PZP: variants seen among roughly 807,000 people sequenced by gnomAD.
PZP encodes the protein pregnancy zone protein.
Under a neutral mutation model 179.8 loss-of-function variants are expected in PZP, and 150 were observed. That is an observed-to-expected ratio of 0.83 (90% CI 0.73 to 0.96). The LOEUF is 0.96. Ranked by LOEUF, PZP falls within the 40% of genes least tolerant of loss-of-function variation. The pLI, the probability that PZP is intolerant of heterozygous loss-of-function variation, is 0.00. For synonymous variants in PZP, 624 were observed against 652.3 expected (o/e 0.96, Z 0.66); for missense variants, 1,689 against 1,764.0 (o/e 0.96, Z 0.76).
In PZP at chr12:9,162,635, T is replaced by G. The variant is rs1941287802; in HGVS notation, c.2750A>C (p.Glu917Ala). The change falls in exon 22 of 36, where the codon GAG becomes GCG. Residue 917 changes from glutamate (E) to alanine (A), a missense_variant. Glu to Ala is a moderately radical substitution (Grantham distance 107). This residue lies in a region of PZP where 746 missense variants were observed against 749.2 expected (regional missense o/e 1.00). Coordinates refer to ENST00000261336, the MANE Select transcript of PZP (RefSeq NM_002864.3). Reference protein sequence around the residue: ...KTLLVEAEGIEQEKTFSSMTC... With the variant: ...KTLLVEAEGIAQEKTFSSMTC... ...CATAGAACTGAAAGTCTTTTCTTGC[T>G]CAATACCTTCAGCCTTGGATGAAAG... The G allele has an allele frequency of 1.9e-6, 3 of 1,593,576 alleles. No homozygotes were observed. In the South Asian group the frequency reaches 3.3e-5, roughly 18 times the overall value.
At chr12:9,164,103 T>C (rs760584067) in intron 20 of PZP, 30 bp downstream of exon 20, 2 of 1,592,692 alleles carry the variant, frequency 1.3e-6, no homozygotes, top group Admixed American at 1.7e-5. Flanking sequence ...CCTTGTTGAT[T>C]GATAGGCCCT....
Position 9,200,382 on chromosome 12 carries a change from T to C in PZP, c.737A>G (p.Asn246Ser), listed in dbSNP as rs142990157. The C allele has an allele frequency of 6.2e-5, 99 of 1,608,422 alleles. No homozygotes were observed. The African/African-American group carries it at 1.1e-3, about 18-fold the overall frequency. ...AACTCACTCTCCACAGACTGTTATG[T>C]TCACTTTTTCATCCATGATACTGAT... ...KIISIMDEKVNITVCGEYTYG... is the reference protein window; with the variant it reads ...KIISIMDEKVSITVCGEYTYG... Residue 246 changes from asparagine (N) to serine (S), a missense_variant, in exon 7 of 36, where the codon AAC (asparagine) becomes AGC (serine). Physicochemically the swap from Asn to Ser is conservative, Grantham distance 46 (BLOSUM62 1). Around this residue, in one of 3 missense-constraint regions of PZP, gnomAD observed 742 missense variants for 730.5 expected, o/e 1.02. Transcript: ENST00000261336.
intron 13 of PZP, among the ~76,000 whole-genome samples, chr12:9,188,776 A>G (rs1173332849): frequency 6.6e-6 from 1 of 152,230 alleles, no homozygotes; most frequent in Non-Finnish European, 1.5e-5. Context: ...TCCCATTCAC[A>G]ATTGTCACAG....
At chr12:9,206,796 G>C (rs1332865575) in intron 1 of PZP, among the ~76,000 whole-genome samples, 1 of 152,104 alleles carries the variant, frequency 6.6e-6, no homozygotes, top group Non-Finnish European at 1.5e-5. Context: ...CAGACACAAC[G>C]TAAAAGGATG....
At chr12:9,201,450 G>A in intron 4 of PZP, 103 bp from the exon 5 acceptor site, 1 of 873,480 alleles carries the variant, frequency 1.1e-6, no homozygotes, top group Non-Finnish European at 1.8e-6. Context: ...ATTATCTGTA[G>A]CTAAATTCAA....
At chr12:9,152,485 C>A (rs1189369200) in intron 31 of PZP, among the ~76,000 whole-genome samples, 175 bp from the exon 32 acceptor site, 2 of 152,194 alleles carry the variant, frequency 1.3e-5, no homozygotes, top group Admixed American at 1.3e-4. Context: ...GCATATACAT[C>A]AGATCTACCA....
chr12:9,146,626 C>T (rs1355440117), downstream of PZP, among the ~76,000 whole-genome samples: 1 of 148,598 alleles, frequency 6.7e-6, no homozygotes, highest in African/African-American at 2.4e-5. Flanking sequence ...TCCCATTCTT[C>T]ACAGACTAGT....
intron 8 of PZP, 128 bp downstream of exon 8, chr12:9,196,884 A>T (rs1943805389): frequency 1.2e-6 from 1 of 826,652 alleles, no homozygotes; most frequent in South Asian, 1.7e-5. Flanking sequence ...GACTAAGAAC[A>T]GAAATTCGTT....
intron 13 of PZP, among the ~76,000 whole-genome samples, chr12:9,185,243 C>T (rs1006721230): frequency 6.6e-6 from 1 of 152,198 alleles, no homozygotes; most frequent in African/African-American, 2.4e-5. Flanking sequence ...CATAACCAAC[C>T]TGACAGAGCT....
In PZP at chr12:9,157,288, T is replaced by A; in HGVS notation, c.3437A>T (p.His1146Leu). 1 of 1,614,078 alleles carries A rather than the reference T, an allele frequency of 6.2e-7. No individual in the cohort carries two copies. The highest frequency in any genetic ancestry group is 8.5e-7 in the Non-Finnish European group (1 of 1,179,956). The change falls in exon 28 of 36, where the codon CAT (histidine) becomes CTT (leucine). Residue 1146 changes from histidine (H) to leucine (L), a missense_variant. Physicochemically the swap from His to Leu is moderately conservative, Grantham distance 99 (BLOSUM62 -3). Transcript: ENST00000261336. The stretch of plus-strand genomic sequence containing the variant: ...TGCCTTGGTGTAGACATGGCTCCCA[T>A]GGGTCCCCTCCTTTGCTACATTCCA... ...SAWNVAKEGT[H>L]GSHVYTKALL... is the part of the protein sequence containing the mutation.
rs7957230 is a variant in PZP at position 9,196,472 on chromosome 12, G to A, written c.983-33C>T. On this transcript the variant is annotated intron_variant, in intron 9 of 35. Transcript: ENST00000261336. ...ATATAAAGAGTCAGTACTTTTAGAA[G>A]TTACTTTAGTCATAAAATTTCTTTC... 1.1e-3 allele frequency: 1,741 copies of A among 1,576,026 alleles called. 22 individuals carry two copies. In the African/African-American group the frequency reaches 0.021, roughly 19 times the overall value.
Position 9,156,233 on chromosome 12 carries a change from A to G in PZP, c.3550+942T>C, listed in dbSNP as rs189975273. 12 of 203,326 alleles carry G rather than the reference A, an allele frequency of 5.9e-5. No homozygotes were observed. In the East Asian group the frequency reaches 1.2e-3, roughly 20 times the overall value. The allele number at this position is 203,326 out of a possible 1,614,324, so 12.6% of individuals were successfully genotyped here. The stretch of plus-strand genomic sequence containing the variant: ...ATTGTTCATGACAATATCAACACCA[A>G]TGATTACTCTGCTTCCAGTACCTTC... On this transcript the variant is annotated intron_variant, in intron 28 of 35. Transcript: ENST00000261336.
At chr12:9,184,483 G>T (rs983316553) in intron 13 of PZP, among the ~76,000 whole-genome samples, 2 of 152,226 alleles carry the variant, frequency 1.3e-5, no homozygotes, top group Non-Finnish European at 2.9e-5. Flanking sequence ...GAGTCATACT[G>T]CCATGATCAT....
chr12:9,140,592 T>C, the PZP span, among the ~76,000 whole-genome samples: 11 of 152,242 alleles, frequency 7.2e-5, no homozygotes, highest in African/African-American at 2.4e-4. Context: ...ACCTAGGCCT[T>C]TTAAACTGGC....
intron 15 of PZP, among the ~76,000 whole-genome samples, chr12:9,177,532 G>C (rs780199362): frequency 6.6e-6 from 1 of 152,302 alleles, no homozygotes; most frequent in South Asian, 2.1e-4. Context: ...AAGCCACTAG[G>C]TTTTGAAGAA....
intron 13 of PZP, among the ~76,000 whole-genome samples, chr12:9,183,848 G>A (rs1357226293): frequency 6.6e-6 from 1 of 152,092 alleles, no homozygotes; most frequent in African/African-American, 2.4e-5. Flanking sequence ...TGTTTATACT[G>A]CAAAGCTCTT....
In PZP at chr12:9,159,958, G is replaced by A. The variant is rs1307607123; in HGVS notation, c.3117C>T (p.Gly1039=). The change falls in exon 25 of 36, where the codon GGC becomes GGT. Residue 1039 remains glycine (G), a synonymous_variant. Coordinates refer to ENST00000261336, the MANE Select transcript of PZP (RefSeq NM_002864.3). ...GSYSTFGERY[G]RNQGNTWLTA... ...CTTACCAAGTGTTGCCCTGGTTCCT[G>A]CCATATCGTTCCCCAAAGGTGCTGT... 1.2e-6 allele frequency: 2 copies of A among 1,613,294 alleles called. No individual in the cohort carries two copies. The highest frequency in any genetic ancestry group is 1.3e-5 in the African/African-American group (1 of 74,976).
At chr12:9,198,344 T>C (rs576039585) in intron 7 of PZP, among the ~76,000 whole-genome samples, 9 of 152,090 alleles carry the variant, frequency 5.9e-5, no homozygotes, top group Non-Finnish European at 1.2e-4. Flanking sequence ...AGACTCTGTC[T>C]ACTAAAAAAA....
intron 31 of PZP, 116 bp downstream of exon 31, chr12:9,152,708 A>G: frequency 9.3e-7 from 1 of 1,074,076 alleles, no homozygotes; most frequent in Middle Eastern, 2.6e-4. Flanking sequence ...ATTTATAGAT[A>G]TATCAATTCT....
Sources: allele counts gnomAD v4.1 joint callset (sites outside exome capture counted in the v4.1 genomes callset), GRCh38; gene constraint gnomAD v4.1.1; regional missense constraint gnomAD v4.1.1; transcripts MANE v1.5; gene names NCBI Gene and HGNC (gene_info 2026-07-23, HGNC 2026-07-21).